IFT172: variants seen among roughly 807,000 people sequenced by gnomAD.
IFT172 encodes the protein intraflagellar transport protein 172 homolog.
In IFT172, 164 loss-of-function variants were observed where a neutral mutation model predicts 248.9. The ratio of observed to expected loss-of-function variants is 0.66; its 90% CI spans 0.58 to 0.75. The LOEUF (loss-of-function observed/expected upper bound fraction) is 0.75. Ranked by LOEUF, IFT172 falls within the 30% of genes least tolerant of loss-of-function variation. The pLI, the probability that IFT172 is intolerant of heterozygous loss-of-function variation, is 0.00. For missense variants in IFT172, 1,950 were observed against 2,192.4 expected, an observed-to-expected ratio of 0.89 and a Z score of 2.21; for synonymous variants, 729 against 791.6, an observed-to-expected ratio of 0.92 and a Z score of 1.33.
intron 16 of IFT172, among the ~76,000 whole-genome samples, chr2:27,469,490 A>G (rs897645993): frequency 1.3e-5 from 2 of 152,216 alleles, no homozygotes; most frequent in Admixed American, 1.3e-4. Flanking sequence ...AGAAAAGGTA[A>G]ACAAAGGAAC....
chr2:27,454,070 C>G lies in IFT172; in HGVS notation c.3623G>C (p.Arg1208Pro), dbSNP rs758387302. 29 of 1,614,012 alleles carry G rather than the reference C, an allele frequency of 1.8e-5. No individual in the cohort carries two copies. The highest frequency in any genetic ancestry group is 2.3e-5 in the Non-Finnish European group (27 of 1,180,028). The change falls in exon 33 of 48, where the codon CGG (arginine) becomes CCG (proline). Residue 1208 changes from arginine (R) to proline (P), a missense_variant. Coordinates refer to ENST00000260570, the MANE Select transcript of IFT172 (RefSeq NM_015662.3). This position sits in a 1 kb window ranked among gnomAD's most constrained non-coding sequence, Gnocchi z 4.2. The stretch of plus-strand genomic sequence containing the variant: ...AAAGTCCTTCTCCTCCAAGGCCCCC[C>G]GGGCCTGTCCCACAAGCACCTCGGC... The part of the protein sequence containing the change: ...SVAEVLVGQA[R>P]GALEEKDFQK...
At chr2:27,446,012 T>C in intron 43 of IFT172, 24 bp from the exon 44 acceptor site, 2 of 1,614,020 alleles carry the variant, frequency 1.2e-6, no homozygotes, top group Non-Finnish European at 8.5e-7. Flanking sequence ...GAGTTGCAAA[T>C]GGGAGTGAAC....
chr2:27,489,706 C>A lies in IFT172; in HGVS notation c.-53G>T. The A allele has an allele frequency of 7.1e-7, 1 of 1,417,888 alleles. No individual in the cohort carries two copies. The highest frequency in any genetic ancestry group is 9.9e-7 in the Non-Finnish European group (1 of 1,013,608). 87.8% of individuals were successfully genotyped at this position (1,417,888 alleles called of 1,614,324 possible). A position where few individuals can be genotyped will look rare whatever the true frequency, so the allele number is the denominator to read the frequency against. On this transcript the variant is annotated 5_prime_UTR_variant, in exon 1 of 48. Coordinates refer to ENST00000260570, the MANE Select transcript of IFT172 (RefSeq NM_015662.3). ...TAGACAGCGACAACTCCCGTGGTTACCTGGACAACCCGCCACGCAGCCGCA... is the reference window on the plus strand; with the variant it reads ...TAGACAGCGACAACTCCCGTGGTTAACTGGACAACCCGCCACGCAGCCGCA...
chr2:27,455,982 G>C (rs557209659), intron 30 of IFT172: 1 of 239,434 alleles, frequency 4.2e-6, no homozygotes, highest in South Asian at 4.6e-5. Context: ...GGGAGGCCAA[G>C]GTGGGCAGAT....
At position 27,465,589 on chromosome 2, in the gene IFT172, T is replaced by TG; in HGVS notation, c.1830-72dup. 3 of 1,553,176 alleles carry TG rather than the reference T, an allele frequency of 1.9e-6. No homozygotes were observed. The South Asian group carries it at 3.3e-5, about 17-fold the overall frequency. ...GGAAGATACAGCAGAAGACTGGTGA[T>TG]GGGGCAAGGGGAGGGGGAAGGGCCA... is the stretch of plus-strand genomic sequence containing the variant. On this transcript the variant is annotated intron_variant, in intron 17 of 47. Transcript: ENST00000260570.
In IFT172 at chr2:27,454,356, G is replaced by A; in HGVS notation, c.3528C>T (p.Leu1176=). Residue 1176 remains leucine (L), a splice_region_variant and synonymous_variant, in exon 32 of 48, where the codon CTC becomes CTT. Coordinates refer to ENST00000260570, the MANE Select transcript of IFT172 (RefSeq NM_015662.3). The surrounding 1 kb of genome is among the most constrained non-coding windows in gnomAD (Gnocchi z 4.2). The part of the protein sequence containing the change: ...IRAGKPKEAV[L]MFVHNQDWEA... ...AAGGAATGTATGGGGTAACTCACAT[G>A]AGGACTGCCTCCTTGGGTTTACCAG... 1 of 1,614,202 alleles carries A rather than the reference G, an allele frequency of 6.2e-7. No homozygotes were observed. Among genetic ancestry groups the A allele is most frequent in the Non-Finnish European group, 8.5e-7 (1 of 1,180,046 alleles).
chr2:27,483,795 G>C, intron 5 of IFT172, 77 bp downstream of exon 5: 1 of 1,455,482 alleles, frequency 6.9e-7, no homozygotes. Context: ...TCCTAAGAAA[G>C]AGGATGAACC....
In IFT172 at chr2:27,456,499, T is replaced by G. The variant is rs767817569; in HGVS notation, c.3371+12A>C. Reference sequence around the variant, plus strand: ...GGGATGGGGCCCGTGGAGAGAAAGCTTGGGGCCTCACCAATTGTCTGCAGC... The same window carrying G: ...GGGATGGGGCCCGTGGAGAGAAAGCGTGGGGCCTCACCAATTGTCTGCAGC... On this transcript the variant is annotated intron_variant, in intron 30 of 47. Transcript: ENST00000260570. 1.2e-6 allele frequency: 2 copies of G among 1,611,002 alleles called. No individual in the cohort carries two copies. The highest frequency in any genetic ancestry group is 3.4e-5 in the Admixed American group (2 of 59,618).
rs1309170735 is a variant in IFT172, at chr2:27,470,994, G to A, written c.1626C>T (p.Asn542=). The change falls in exon 16 of 48, where the codon AAC becomes AAT. Residue 542 remains asparagine (N), a synonymous_variant. Transcript: ENST00000260570. ...VPGSDVLVAQ[N]RNSLCVWYNI... ...TGTACCATACACACAGACTGTTTCG[G>A]TTCTGAGCTACCAGCACGTCACTTC... The A allele has an allele frequency of 1.2e-6, 2 of 1,613,816 alleles. No individual in the cohort carries two copies.
intron 18 of IFT172, among the ~76,000 whole-genome samples, chr2:27,463,625 G>T (rs1464230650): frequency 1.3e-5 from 2 of 151,032 alleles, no homozygotes; most frequent in African/African-American, 4.9e-5. Context: ...GTGGCTCAGG[G>T]AAGCCAAAGA....
intron 16 of IFT172, among the ~76,000 whole-genome samples, chr2:27,469,003 C>T (rs1667342145): frequency 6.6e-6 from 1 of 152,068 alleles, no homozygotes; most frequent in South Asian, 2.1e-4. Flanking sequence ...CAATCTAGAA[C>T]TGGGTACTGA....
At chr2:27,455,612 G>A (rs983251903) in intron 30 of IFT172, 3 of 215,242 alleles carry the variant, frequency 1.4e-5, no homozygotes, top group African/African-American at 7.1e-5. Context: ...TCAGGAGGCT[G>A]AGGCAGGAGA....
At chr2:27,459,327 T>C in intron 25 of IFT172, 51 bp downstream of exon 25, 2 of 1,593,100 alleles carry the variant, frequency 1.3e-6, no homozygotes, top group East Asian at 2.2e-5. Flanking sequence ...GTTCTCTCAT[T>C]GTTATCCTCT....
At chr2:27,472,509 A>T in intron 14 of IFT172, 147 bp from the exon 15 acceptor site, 1 of 637,940 alleles carries the variant, frequency 1.6e-6, no homozygotes, top group African/African-American at 1.8e-5. Context: ...GTTAACTCAA[A>T]AGGTCCAGAC....
Position 27,476,653 on chromosome 2 carries a change from T to C in IFT172, c.1399A>G (p.Thr467Ala). 1.3e-6 allele frequency: 2 copies of C among 1,579,272 alleles called. No individual in the cohort carries two copies. The highest frequency in any genetic ancestry group is 1.7e-6 in the Non-Finnish European group (2 of 1,148,568). Residue 467 changes from threonine (T) to alanine (A), a missense_variant, in exon 14 of 48, where the codon ACT becomes GCT. This residue lies in a region of IFT172 where 1,166 missense variants were observed against 1,254.1 expected (regional missense o/e 0.93). Coordinates refer to ENST00000260570, the MANE Select transcript of IFT172 (RefSeq NM_015662.3). ...GAGTCTTACTCACCTATAGCAATAG[T>C]CTTAATATCAATAAGATAAGCCAAT... ...KKLAYLIDIKTIAIVDLIGGY... is the reference protein window; with the variant it reads ...KKLAYLIDIKAIAIVDLIGGY...
chr2:27,450,092 G>A lies in IFT172; in HGVS notation c.3956C>T (p.Ala1319Val). Reference protein sequence around the residue: ...GLAEKCWMKAAELSIKFLPPQ... With the variant: ...GLAEKCWMKAVELSIKFLPPQ... ...AGGCAGAAACTTGATGGAGAGTTCAGCTGCCTGAGTGGTTGAACAGAAGAT... is the reference window on the plus strand; with the variant it reads ...AGGCAGAAACTTGATGGAGAGTTCAACTGCCTGAGTGGTTGAACAGAAGAT... Residue 1319 changes from alanine (A) to valine (V), a missense_variant, in exon 36 of 48, where the codon GCT becomes GTT. Physicochemically the swap from Ala to Val is moderately conservative, Grantham distance 64 (BLOSUM62 0). Around this residue, in one of 3 missense-constraint regions of IFT172, gnomAD observed 620 missense variants for 699.0 expected, o/e 0.89. Coordinates refer to ENST00000260570, the MANE Select transcript of IFT172 (RefSeq NM_015662.3). 1 of 1,612,870 alleles carries A rather than the reference G, an allele frequency of 6.2e-7. No individual in the cohort carries two copies. The highest frequency in any genetic ancestry group is 8.5e-7 in the Non-Finnish European group (1 of 1,178,838).
chr2:27,476,728 T>C lies in IFT172; in HGVS notation c.1326-2A>G. ...TGACACCTCTCATTAATACGAACAC[T>C]GAAACATGAAGGGTGAGGTAAGGCA... On this transcript the variant is annotated splice_acceptor_variant, in intron 13 of 47. Transcript: ENST00000260570. LOFTEE classifies it high-confidence loss of function. 6.2e-7 allele frequency: 1 copy of C among 1,609,902 alleles called. No homozygotes were observed. The highest frequency in any genetic ancestry group is 8.5e-7 in the Non-Finnish European group (1 of 1,176,406).
intron 1 of IFT172, 123 bp downstream of exon 1, chr2:27,489,492 T>A: frequency 1.5e-6 from 1 of 687,174 alleles, no homozygotes; most frequent in Admixed American, 2.8e-5. Flanking sequence ...AAGATCCAGA[T>A]CATCGCTATA....
At chr2:27,489,234 T>C (rs969687088) in intron 1 of IFT172, among the ~76,000 whole-genome samples, 3 of 152,186 alleles carry the variant, frequency 2.0e-5, no homozygotes, top group Admixed American at 6.5e-5. Context: ...GGTTCGGTCT[T>C]TGCACTCCCC....
Sources: allele counts gnomAD v4.1 joint callset (sites outside exome capture counted in the v4.1 genomes callset), GRCh38; gene constraint gnomAD v4.1.1; regional missense constraint gnomAD v4.1.1; non-coding constraint Gnocchi (gnomAD v3.1); transcripts MANE v1.5; gene names NCBI Gene and HGNC (gene_info 2026-07-23, HGNC 2026-07-21).